Variants in RNF150 observed in about 807,000 individuals in gnomAD.
RNF150 encodes the protein ring finger protein 150.
Under a neutral mutation model 39.3 loss-of-function variants are expected in RNF150, and 24 were observed. That is an observed-to-expected ratio of 0.61 (90% CI 0.44 to 0.86). The LOEUF is 0.86. RNF150 is among the 40% of genes least tolerant of loss of function. The pLI is 0.00. For missense variants in RNF150, 502 were observed against 587.8 expected, an observed-to-expected ratio of 0.85 and a Z score of 1.51; for synonymous variants, 255 against 227.3, an observed-to-expected ratio of 1.12 and a Z score of -1.10.
At chr4:141,102,351 T>G in intron 1 of RNF150, among the ~76,000 whole-genome samples, 1 of 152,118 alleles carries the variant, frequency 6.6e-6, no homozygotes, top group East Asian at 1.9e-4. Flanking sequence ...GGAAAGGCAA[T>G]AAACTCACAT....
intron 1 of RNF150, among the ~76,000 whole-genome samples, chr4:141,189,139 TCTGCAGGTCTGCTGGAGTTTG>T (rs574718360): frequency 0.017 from 2,546 of 152,250 alleles, 33 homozygotes; most frequent in Non-Finnish European, 0.027. Flanking sequence ...AGGCCCCTTT[TCTGCAGGTCTGCTGGAGTTTG>T]CTGCAGGTCT....
In RNF150 at chr4:140,918,452, T is replaced by G. The variant is rs186771386; in HGVS notation, c.988-7098A>C. ...AATTTAGAAGAAATGGATAAATTCCTGGACACATACACCCTCCTAAGGACT... is the reference window on the plus strand; with the variant it reads ...AATTTAGAAGAAATGGATAAATTCCGGGACACATACACCCTCCTAAGGACT... On this transcript the variant is annotated intron_variant, in intron 5 of 6. Transcript: ENST00000515673. Among the ~76,000 whole-genome samples the G allele has an allele frequency of 4.6e-3, 705 of 152,358 alleles. 3 individuals are homozygous for G. The highest frequency in any genetic ancestry group is 7.9e-3 in the Non-Finnish European group (535 of 68,042).
intron 1 of RNF150, among the ~76,000 whole-genome samples, chr4:141,201,357 T>C (rs1728287230): frequency 6.6e-6 from 1 of 152,194 alleles, no homozygotes; most frequent in Non-Finnish European, 1.5e-5. Context: ...TTATATGGTT[T>C]ACATGAGGCT....
chr4:141,172,880 G>A (rs1421044905), intron 1 of RNF150, among the ~76,000 whole-genome samples: 1 of 152,062 alleles, frequency 6.6e-6, no homozygotes, highest in African/African-American at 2.4e-5. Context: ...CAAAAAATTA[G>A]CCGGGCATGG....
At chr4:141,098,645 A>T (rs547556374) in intron 1 of RNF150, among the ~76,000 whole-genome samples, 25 of 152,316 alleles carry the variant, frequency 1.6e-4, no homozygotes, top group African/African-American at 4.6e-4. Flanking sequence ...TCTATTATAC[A>T]TATCTAATCT....
At chr4:141,095,250 C>G (rs1738727920) in intron 1 of RNF150, among the ~76,000 whole-genome samples, 1 of 152,200 alleles carries the variant, frequency 6.6e-6, no homozygotes, top group Non-Finnish European at 1.5e-5. Context: ...GCCTCAAACA[C>G]AGACGGCTTT....
At chr4:140,928,640 G>A (rs1209900096) in intron 4 of RNF150, among the ~76,000 whole-genome samples, 2 of 152,162 alleles carry the variant, frequency 1.3e-5, no homozygotes, top group Admixed American at 1.3e-4. Context: ...TCCATCTCCT[G>A]GGTTCATGCC....
At position 141,201,331 on chromosome 4, in the gene RNF150, A is replaced by G. The variant is rs950253365; in HGVS notation, c.-6+11463T>C. On this transcript the variant is annotated intron_variant, in intron 1 of 7. Transcript: ENST00000420921. ...CATTTTATACCCAAATACAAAATGA[A>G]GTTTTAAGTTATAAGTTATATGGTT... Among the ~76,000 whole-genome samples, 3 of 152,214 alleles carry G rather than the reference A, an allele frequency of 2.0e-5. No homozygotes were observed. The East Asian group carries it at 5.8e-4, about 29-fold the overall frequency.
chr4:140,870,785 G>A (rs1728903053), intron 6 of RNF150, among the ~76,000 whole-genome samples: 1 of 151,888 alleles, frequency 6.6e-6, no homozygotes, highest in South Asian at 2.1e-4. Context: ...CCATTCATCT[G>A]TTTTTTGCAG....
intron 6 of RNF150, among the ~76,000 whole-genome samples, chr4:140,869,557 TTGTC>T: frequency 1.3e-5 from 2 of 152,280 alleles, no homozygotes; most frequent in Non-Finnish European, 2.9e-5. Flanking sequence ...AAGGAGCTCA[TTGTC>T]TGGTGGGCAG....
At chr4:140,985,609 C>T (rs1417748742) in intron 1 of RNF150, among the ~76,000 whole-genome samples, 1 of 151,880 alleles carries the variant, frequency 6.6e-6, no homozygotes, top group African/African-American at 2.4e-5. Context: ...TCAAGTATTA[C>T]TAATGAAAAT....
chr4:141,020,055 ACT>A (rs1332480819), intron 1 of RNF150, among the ~76,000 whole-genome samples: 1 of 149,044 alleles, frequency 6.7e-6, no homozygotes, highest in Non-Finnish European at 1.5e-5. Context: ...TCCACACAGC[ACT>A]CTCTTCTCAG....
At chr4:140,984,226 G>A (rs1426305512) in intron 1 of RNF150, among the ~76,000 whole-genome samples, 2 of 152,164 alleles carry the variant, frequency 1.3e-5, no homozygotes, top group Non-Finnish European at 2.9e-5. Context: ...ATAGAACTTG[G>A]TGATATACCT....
At chr4:140,899,974 CTGTG>C (rs71852763) in intron 6 of RNF150, among the ~76,000 whole-genome samples, 26 of 69,216 alleles carry the variant, frequency 3.8e-4, no homozygotes, top group African/African-American at 9.9e-4. Context: ...CTCTCTCTCT[CTGTG>C]TGTGTGTGTG....
At chr4:140,892,054 A>T (rs1729773618) in intron 6 of RNF150, among the ~76,000 whole-genome samples, 1 of 152,318 alleles carries the variant, frequency 6.6e-6, no homozygotes, top group Non-Finnish European at 1.5e-5. Context: ...GCTGCTTTAA[A>T]TCATCTCTAG....
At position 140,860,416 on chromosome 4, in the gene RNF150, T is replaced by C. The variant is rs1239696946; in HGVS notation, c.*7845A>G. The C allele has an allele frequency of 6.6e-6, 1 of 152,016 alleles. No homozygotes were observed. The highest frequency in any genetic ancestry group is 1.5e-5 in the Non-Finnish European group (1 of 67,996). 9.4% of individuals were successfully genotyped at this position (152,016 alleles called of 1,614,324 possible). The stretch of plus-strand genomic sequence containing the variant: ...CATGCAAATGTCATCAGGAGTGACT[T>C]TTTTGTGATTTTGGGTCAGATGCTA... On this transcript the variant is annotated 3_prime_UTR_variant, in exon 7 of 7. Transcript: ENST00000515673.
intron 1 of RNF150, among the ~76,000 whole-genome samples, chr4:140,980,695 C>G (rs149790951): frequency 3.1e-4 from 47 of 152,230 alleles, no homozygotes; most frequent in African/African-American, 1.1e-3. Context: ...TCATTCTTCT[C>G]CTTCCTGCTG....
chr4:141,114,498 G>C (rs1488079100), intron 1 of RNF150, among the ~76,000 whole-genome samples: 1 of 152,114 alleles, frequency 6.6e-6, no homozygotes, highest in Non-Finnish European at 1.5e-5. Context: ...TTCTGAAATT[G>C]AGGCAGTAAT....
At chr4:141,072,190 A>C (rs1195133828) in intron 1 of RNF150, among the ~76,000 whole-genome samples, 1 of 152,210 alleles carries the variant, frequency 6.6e-6, no homozygotes, top group African/African-American at 2.4e-5. Context: ...ACAGCATCAC[A>C]AGAACTATTG....
Sources: allele counts gnomAD v4.1 joint callset (sites outside exome capture counted in the v4.1 genomes callset), GRCh38; gene constraint gnomAD v4.1.1; transcripts MANE v1.5; gene names NCBI Gene and HGNC (gene_info 2026-07-23, HGNC 2026-07-21).